Variants in KALRN observed in about 807,000 individuals in gnomAD.
KALRN encodes the protein kalirin.
A neutral mutation model predicts 353.7 loss-of-function variants in KALRN; 70 were observed. The observed-to-expected ratio is 0.20, with a 90% confidence interval of 0.16 to 0.24. KALRN has a LOEUF of 0.24. KALRN is among the 10% of genes least tolerant of loss of function. The pLI, the probability that KALRN is intolerant of heterozygous loss-of-function variation, is 1.00. For missense variants in KALRN, 2,791 were observed against 3,756.7 expected (o/e 0.74, Z 6.72); for synonymous variants, 1,391 against 1,434.8 (o/e 0.97, Z 0.69).
At chr3:124,474,837 G>T (rs987274556) in intron 26 of KALRN, 105 bp downstream of exon 26, 1 of 881,442 alleles carries the variant, frequency 1.1e-6, no homozygotes, top group Non-Finnish European at 1.9e-6. Context: ...AAGACCAGGG[G>T]CTACTGAGAG....
In KALRN at chr3:124,477,212, A is replaced by G. The variant is rs774813266; in HGVS notation, c.4102-33A>G. ...GTGGACAGAAGGGAACAACTAATGA[A>G]TGCTTATCTATTATTATCTTTGTTC... is the stretch of plus-strand genomic sequence containing the variant. On this transcript the variant is annotated intron_variant, in intron 26 of 59. Coordinates refer to ENST00000682506, the MANE Select transcript of KALRN (RefSeq NM_001388419.1). The G allele has an allele frequency of 2.0e-6, 3 of 1,478,486 alleles. No individual in the cohort carries two copies. The East Asian group carries it at 6.8e-5, about 34-fold the overall frequency. 91.6% of individuals were successfully genotyped at this position (1,478,486 alleles called of 1,614,324 possible). A position where few individuals can be genotyped will look rare whatever the true frequency, so the allele number is the denominator to read the frequency against.
chr3:124,312,588 A>G (rs935226198), intron 6 of KALRN, among the ~76,000 whole-genome samples: 6 of 152,194 alleles, frequency 3.9e-5, no homozygotes, highest in Admixed American at 1.3e-4. Context: ...CTAAACATTA[A>G]AGGGAATGGC....
At chr3:124,585,758 A>G (rs1169851022) in intron 34 of KALRN, among the ~76,000 whole-genome samples, 1 of 152,194 alleles carries the variant, frequency 6.6e-6, no homozygotes, top group Non-Finnish European at 1.5e-5. Flanking sequence ...TGTGGGTAGA[A>G]ATGAGAATGT....
intron 34 of KALRN, among the ~76,000 whole-genome samples, chr3:124,608,138 G>A (rs1451763165): frequency 2.7e-5 from 4 of 150,908 alleles, no homozygotes; most frequent in South Asian, 2.1e-4. Context: ...CTCCTGAGTC[G>A]CTGGGACCAC....
intron 3 of KALRN, among the ~76,000 whole-genome samples, chr3:124,259,906 C>T (rs574489817): frequency 6.6e-6 from 1 of 152,300 alleles, no homozygotes; most frequent in South Asian, 2.1e-4. Context: ...AAAGACCCTT[C>T]TTCTACTCTT....
chr3:124,693,359 A>G (rs1245964094), intron 51 of KALRN, among the ~76,000 whole-genome samples: 1 of 152,202 alleles, frequency 6.6e-6, no homozygotes, highest in Non-Finnish European at 1.5e-5. Flanking sequence ...GTGAATTTCA[A>G]TGACCCTTCC....
intron 34 of KALRN, among the ~76,000 whole-genome samples, chr3:124,566,187 T>C (rs1434626933): frequency 6.6e-6 from 1 of 152,052 alleles, no homozygotes; most frequent in Non-Finnish European, 1.5e-5. Context: ...AATACAGAGG[T>C]CCCCGACTCC....
chr3:124,086,353 G>GTGTGTGTGTT (rs1553755792), intron 1 of KALRN, among the ~76,000 whole-genome samples: 1 of 143,228 alleles, frequency 7.0e-6, no homozygotes, highest in Non-Finnish European at 1.5e-5. Context: ...GTGTGTGTGT[G>GTGTGTGTGTT]TTTTTGCTGG....
At chr3:124,365,668 G>A (rs982916445) in intron 10 of KALRN, among the ~76,000 whole-genome samples, 1 of 152,174 alleles carries the variant, frequency 6.6e-6, no homozygotes, top group African/African-American at 2.4e-5. Flanking sequence ...CTCCATGTTT[G>A]TGTTGCTAAT....
At chr3:124,480,905 A>G (rs911624997) in intron 27 of KALRN, among the ~76,000 whole-genome samples, 6 of 152,224 alleles carry the variant, frequency 3.9e-5, no homozygotes, top group Non-Finnish European at 8.8e-5. Context: ...TTATGTCCAA[A>G]TAATATTTCA....
At chr3:124,392,057 T>C (rs1207275279) in intron 11 of KALRN, among the ~76,000 whole-genome samples, 2 of 152,034 alleles carry the variant, frequency 1.3e-5, no homozygotes, top group Non-Finnish European at 2.9e-5. Context: ...TTTTCCTTTT[T>C]CTTTTTTTTT....
At chr3:124,542,540 T>A (rs2069143569) in intron 33 of KALRN, among the ~76,000 whole-genome samples, 1 of 152,204 alleles carries the variant, frequency 6.6e-6, no homozygotes, top group African/African-American at 2.4e-5. Flanking sequence ...GTACCTCTGG[T>A]TTCAGATGAC....
Position 124,034,431 on chromosome 3 carries a change from C to T in KALRN, c.73+618C>T, listed in dbSNP as rs747067021. On this transcript the variant is annotated intron_variant, in intron 1 of 59. Coordinates refer to ENST00000682506, the MANE Select transcript of KALRN (RefSeq NM_001388419.1). The stretch of plus-strand genomic sequence containing the variant: ...GGGCGCCTCGGACCTCCCCCTTGTC[C>T]TCCTCTTCAGTTCTGGGAACGGAGG... 2.0e-5 allele frequency among the ~76,000 whole-genome samples: 3 copies of T among 152,312 alleles called. No individual in the cohort carries two copies. The East Asian group carries it at 5.8e-4, about 30-fold the overall frequency.
intron 3 of KALRN, among the ~76,000 whole-genome samples, chr3:124,237,563 G>A (rs976021987): frequency 6.6e-6 from 1 of 151,972 alleles, no homozygotes; most frequent in Admixed American, 6.6e-5. Context: ...GGGTTTCACT[G>A]TGTTGGCCAG....
chr3:124,309,911 A>T (rs1580792372), intron 6 of KALRN, among the ~76,000 whole-genome samples: 1 of 152,196 alleles, frequency 6.6e-6, no homozygotes, highest in East Asian at 1.9e-4. Flanking sequence ...TCAATATTGG[A>T]GGGTCTATTC....
In KALRN at chr3:124,545,307, C is replaced by T. The variant is rs79204836; in HGVS notation, c.4936-17536C>T. ...TCTTATGTTCTTCCTCCTTTGCTGG[C>T]GAGCCTGAGGTCAACATTAGACCCT... is the stretch of plus-strand genomic sequence containing the variant. On this transcript the variant is annotated intron_variant, in intron 33 of 59. Coordinates refer to ENST00000682506, the MANE Select transcript of KALRN (RefSeq NM_001388419.1). Among the ~76,000 whole-genome samples the T allele has an allele frequency of 9.2e-4, 140 of 152,262 alleles. 1 individual carries two copies. In the East Asian group the frequency reaches 0.016, roughly 17 times the overall value.
intron 10 of KALRN, among the ~76,000 whole-genome samples, chr3:124,364,540 G>A (rs370565276): frequency 6.6e-6 from 1 of 152,214 alleles, no homozygotes; most frequent in Admixed American, 6.5e-5. Context: ...TGCTTTGAAA[G>A]TGGGGAGCCA....
chr3:124,298,708 T>C (rs1023163406), intron 5 of KALRN, 83 bp from the exon 6 acceptor site: 2 of 1,513,768 alleles, frequency 1.3e-6, no homozygotes, highest in African/African-American at 1.4e-5. Context: ...GGAGAGCTTT[T>C]TCCCCTTCCA....
intron 5 of KALRN, among the ~76,000 whole-genome samples, chr3:124,278,055 C>T (rs959647128): frequency 1.3e-5 from 2 of 148,528 alleles, no homozygotes; most frequent in Admixed American, 1.4e-4. Context: ...GAGAAAAGTT[C>T]ATTGACTCAT....
Sources: gnomAD v4.1 joint callset for allele counts (sites outside exome capture counted in the v4.1 genomes callset) on GRCh38, gnomAD v4.1.1 for gene constraint, MANE v1.5 for transcripts, NCBI Gene and HGNC (gene_info 2026-07-23, HGNC 2026-07-21) for gene names.